CCSER2: variants seen among roughly 807,000 people sequenced by gnomAD.
CCSER2 encodes the protein serine-rich coiled-coil domain-containing protein 2.
In CCSER2, 46 loss-of-function variants were observed where a neutral mutation model predicts 92.3. The ratio of observed to expected loss-of-function variants is 0.50; its 90% CI spans 0.39 to 0.64. CCSER2 has a LOEUF of 0.64. Ranked by LOEUF, CCSER2 falls within the 30% of genes least tolerant of loss-of-function variation. The pLI is 0.00. For synonymous variants in CCSER2, 433 were observed against 431.4 expected, an observed-to-expected ratio of 1.00 and a Z score of -0.04; for missense variants, 1,244 against 1,238.9, an observed-to-expected ratio of 1.00 and a Z score of -0.06.
At chr10:84,484,448 A>T (rs769134553) in intron 9 of CCSER2, among the ~76,000 whole-genome samples, 1 of 151,038 alleles carries the variant, frequency 6.6e-6, no homozygotes, top group Non-Finnish European at 1.5e-5. Flanking sequence ...TAATGAGCCC[A>T]TTTATTTCTC....
chr10:84,444,498 G>A (rs1844786934), intron 6 of CCSER2, among the ~76,000 whole-genome samples: 1 of 152,122 alleles, frequency 6.6e-6, no homozygotes, highest in Admixed American at 6.5e-5. Context: ...CCTCATAGCT[G>A]GAAAGGGTGA....
chr10:84,496,137 C>T (rs1405438614), intron 9 of CCSER2, among the ~76,000 whole-genome samples: 4 of 152,070 alleles, frequency 2.6e-5, no homozygotes, highest in Non-Finnish European at 5.9e-5. Context: ...TATATATAGT[C>T]TACTACATGT....
At chr10:84,446,846 T>C (rs1174499549) in intron 6 of CCSER2, among the ~76,000 whole-genome samples, 2 of 152,178 alleles carry the variant, frequency 1.3e-5, no homozygotes, top group Non-Finnish European at 2.9e-5. Context: ...TTTTTAACTT[T>C]ATATAAGTGA....
intron 8 of CCSER2, among the ~76,000 whole-genome samples, chr10:84,472,848 A>G (rs1186898242): frequency 1.3e-5 from 2 of 152,218 alleles, no homozygotes; most frequent in Non-Finnish European, 2.9e-5. Context: ...ATTAATAGTA[A>G]TTCCTTAACA....
chr10:84,512,048 A>G (rs186029525), intron 9 of CCSER2, among the ~76,000 whole-genome samples: 83 of 152,176 alleles, frequency 5.5e-4, no homozygotes, highest in Non-Finnish European at 4.4e-5. Flanking sequence ...GCTGTATGCC[A>G]TCATAGCCAA....
chr10:84,448,162 G>A (rs1845045348), intron 6 of CCSER2, among the ~76,000 whole-genome samples: 1 of 151,980 alleles, frequency 6.6e-6, no homozygotes, highest in Non-Finnish European at 1.5e-5. Flanking sequence ...ACGCATGGAT[G>A]CCCTCCTTAC....
intron 9 of CCSER2, among the ~76,000 whole-genome samples, chr10:84,511,166 ATT>A (rs1022603691): frequency 3.9e-5 from 6 of 152,186 alleles, no homozygotes; most frequent in African/African-American, 1.4e-4. Flanking sequence ...TTGACTCAAC[ATT>A]TTGTTATTCT....
intron 6 of CCSER2, among the ~76,000 whole-genome samples, chr10:84,456,798 T>G (rs1212929412): frequency 6.6e-6 from 1 of 152,166 alleles, no homozygotes; most frequent in Non-Finnish European, 1.5e-5. Context: ...TAGTGGTATC[T>G]CATTGTTGAT....
chr10:84,330,720 C>G (rs1171997852), intron 1 of CCSER2, among the ~76,000 whole-genome samples: 1 of 152,072 alleles, frequency 6.6e-6, no homozygotes, highest in East Asian at 1.9e-4. Context: ...GTTGGCCAGA[C>G]TGGTCTCAAA....
At chr10:84,410,151 C>G (rs929859881) in intron 3 of CCSER2, among the ~76,000 whole-genome samples, 8 of 152,132 alleles carry the variant, frequency 5.3e-5, no homozygotes, top group Non-Finnish European at 1.0e-4. Context: ...GTTTCTTTAT[C>G]TGGTCTGTTA....
intron 6 of CCSER2, chr10:84,452,233 C>T (rs191463142): frequency 1.6e-4 from 25 of 152,208 alleles, no homozygotes; most frequent in Admixed American, 1.6e-3. Flanking sequence ...TTCAAGTATC[C>T]ATGTCCATTG....
In CCSER2 at chr10:84,380,917, G is replaced by A. The variant is rs187827428; in HGVS notation, c.1614+7102G>A. Among the ~76,000 whole-genome samples, 545 of 152,160 alleles carry A rather than the reference G, an allele frequency of 3.6e-3. 4 individuals are homozygous for A. The highest frequency in any genetic ancestry group is 0.024 in the South Asian group (116 of 4,824). On this transcript the variant is annotated intron_variant, in intron 3 of 9. Transcript: ENST00000372088. ...TCACCGTGTTAGCCAGGATGGTCTC[G>A]ATCTCCTGACCTCGTGATCTGCCCA...
intron 9 of CCSER2, among the ~76,000 whole-genome samples, chr10:84,512,946 A>G (rs1012417067): frequency 6.6e-6 from 1 of 152,186 alleles, no homozygotes; most frequent in African/African-American, 2.4e-5. Flanking sequence ...GAATATAGTG[A>G]TTTACTCTAA....
Position 84,515,442 on chromosome 10 carries a change from T to C in CCSER2, c.*1175T>C, listed in dbSNP as rs1465202811. 1 of 152,162 alleles carries C rather than the reference T, an allele frequency of 6.6e-6. No individual in the cohort carries two copies. Among genetic ancestry groups the C allele is most frequent in the African/African-American group, 2.4e-5 (1 of 41,418 alleles). The allele number at this position is 152,162 out of a possible 1,614,324, so 9.4% of individuals were successfully genotyped here. A position where few individuals can be genotyped will look rare whatever the true frequency, so the allele number is the denominator to read the frequency against. ...GTTTCCCTTTTCTGTGTTTTTTGTTTTTTTCTGTTTGTTTTTTGAGACAGA... is the reference window on the plus strand; with the variant it reads ...GTTTCCCTTTTCTGTGTTTTTTGTTCTTTTCTGTTTGTTTTTTGAGACAGA... On this transcript the variant is annotated 3_prime_UTR_variant, in exon 10 of 10. Coordinates refer to ENST00000372088, the MANE Select transcript of CCSER2 (RefSeq NM_001284240.2).
At chr10:84,332,091 T>C (rs138677949) in intron 1 of CCSER2, among the ~76,000 whole-genome samples, 8 of 152,168 alleles carry the variant, frequency 5.3e-5, no homozygotes, top group African/African-American at 1.4e-4. Context: ...CTAAAAGATA[T>C]TGATTTACAG....
intron 9 of CCSER2, among the ~76,000 whole-genome samples, chr10:84,484,806 T>C (rs1403021262): frequency 6.6e-6 from 1 of 152,220 alleles, no homozygotes; most frequent in African/African-American, 2.4e-5. Context: ...AACACAAGAA[T>C]TCTTTTATGT....
chr10:84,497,104 A>C (rs1375118282), intron 9 of CCSER2, among the ~76,000 whole-genome samples: 1 of 152,224 alleles, frequency 6.6e-6, no homozygotes, highest in African/African-American at 2.4e-5. Flanking sequence ...TTAATAGAAG[A>C]ATTTTTAAGA....
chr10:84,492,573 T>G (rs1216813132), intron 9 of CCSER2, among the ~76,000 whole-genome samples: 1 of 152,234 alleles, frequency 6.6e-6, no homozygotes, highest in East Asian at 1.9e-4. Flanking sequence ...GCATTCAGTC[T>G]TTCACCTTTG....
chr10:84,437,137 A>ACG, intron 5 of CCSER2, among the ~76,000 whole-genome samples: 1 of 93,266 alleles, frequency 1.1e-5, no homozygotes, highest in Non-Finnish European at 2.6e-5. Flanking sequence ...AAATACACAC[A>ACG]CACACACACA....
Sources: gnomAD v4.1 joint callset for allele counts (sites outside exome capture counted in the v4.1 genomes callset) on GRCh38, gnomAD v4.1.1 for gene constraint, MANE v1.5 for transcripts, NCBI Gene and HGNC (gene_info 2026-07-23, HGNC 2026-07-21) for gene names.